Variants in SCAF8 observed in about 807,000 individuals in gnomAD.
The protein encoded by SCAF8 is SR-related CTD associated factor 8.
In SCAF8, 23 loss-of-function variants were observed where a neutral mutation model predicts 140.5. The ratio of observed to expected loss-of-function variants is 0.16; its 90% CI spans 0.12 to 0.23. The LOEUF is 0.23. Ranked by LOEUF, SCAF8 falls within the 10% of genes least tolerant of loss-of-function variation. The pLI is 1.00. For synonymous variants in SCAF8, 575 were observed against 528.9 expected (o/e 1.09, Z -1.20); for missense variants, 1,397 against 1,555.7 (o/e 0.90, Z 1.72).
intron 3 of SCAF8, among the ~76,000 whole-genome samples, chr6:154,780,354 CTTT>C (rs74777379): frequency 7.4e-5 from 10 of 135,450 alleles, no homozygotes; most frequent in African/African-American, 1.6e-4. Context: ...TAGTTCCTTC[CTTT>C]TTTTTTTTTT....
At chr6:154,821,707 C>T (rs770089470) in intron 15 of SCAF8, among the ~76,000 whole-genome samples, 6 of 152,052 alleles carry the variant, frequency 3.9e-5, no homozygotes, top group African/African-American at 9.7e-5. Context: ...ATAAGAAGAC[C>T]ATTATAGCTT....
intron 1 of SCAF8, among the ~76,000 whole-genome samples, chr6:154,759,993 TA>T (rs1282224500): frequency 6.6e-6 from 1 of 152,008 alleles, no homozygotes; most frequent in Non-Finnish European, 1.5e-5. Context: ...ATAAGCACTT[TA>T]AAAAATCAAA....
At chr6:154,827,061 G>T in intron 17 of SCAF8, 111 bp from the exon 18 acceptor site, 1 of 812,320 alleles carries the variant, frequency 1.2e-6, no homozygotes, top group East Asian at 2.9e-5. Context: ...ATAAATATGA[G>T]GTTGTAGTCC....
chr6:154,802,455 C>T (rs963179414), intron 7 of SCAF8, among the ~76,000 whole-genome samples: 1 of 151,962 alleles, frequency 6.6e-6, no homozygotes, highest in African/African-American at 2.4e-5. Flanking sequence ...AACCCCATCT[C>T]TATTAAAAAT....
intron 3 of SCAF8, among the ~76,000 whole-genome samples, chr6:154,784,313 T>C (rs1465284988): frequency 2.0e-5 from 3 of 151,766 alleles, no homozygotes; most frequent in South Asian, 2.1e-4. Flanking sequence ...ACTTTTCATA[T>C]GTATTTTTAT....
chr6:154,776,760 T>C (rs1353123419), intron 2 of SCAF8, among the ~76,000 whole-genome samples: 2 of 152,216 alleles, frequency 1.3e-5, no homozygotes, highest in Admixed American at 6.5e-5. Flanking sequence ...TTGGTGAATA[T>C]GAGTTCATGA....
At chr6:154,826,495 T>C (rs769488897) in intron 17 of SCAF8, among the ~76,000 whole-genome samples, 7 of 152,218 alleles carry the variant, frequency 4.6e-5, no homozygotes, top group African/African-American at 1.4e-4. Context: ...TTTTATAGTT[T>C]AGAATTATTT....
At chr6:154,800,579 A>G (rs1487135317) in intron 6 of SCAF8, among the ~76,000 whole-genome samples, 1 of 151,444 alleles carries the variant, frequency 6.6e-6, no homozygotes, top group Non-Finnish European at 1.5e-5. Flanking sequence ...AGTACTTTAC[A>G]TGGATTAGAG....
At chr6:154,786,350 G>T (rs558793822) in intron 3 of SCAF8, among the ~76,000 whole-genome samples, 1 of 152,320 alleles carries the variant, frequency 6.6e-6, no homozygotes, top group Admixed American at 6.5e-5. Flanking sequence ...TGAAAGGTCT[G>T]CAAAATATCT....
Position 154,733,563 on chromosome 6 carries a change from G to A in SCAF8, c.-338G>A, listed in dbSNP as rs1778317817. 3 of 1,283,514 alleles carry A rather than the reference G, an allele frequency of 2.3e-6. No individual in the cohort carries two copies. Among genetic ancestry groups the A allele is most frequent in the Admixed American group, 4.2e-5 (1 of 23,854 alleles). The allele number at this position is 1,283,514 out of a possible 1,614,324, so 79.5% of individuals were successfully genotyped here. A position where few individuals can be genotyped will look rare whatever the true frequency, so the allele number is the denominator to read the frequency against. ...GGGAGTGGAGAGTGTAGGGGAAGGG[G>A]CTAGAGGGAGGGGGACCGAAACGGA... On this transcript the variant is annotated 5_prime_UTR_variant, in exon 1 of 20. Coordinates refer to ENST00000367178, the MANE Select transcript of SCAF8 (RefSeq NM_014892.5).
chr6:154,738,133 A>T (rs371381512), intron 1 of SCAF8, among the ~76,000 whole-genome samples: 1 of 151,858 alleles, frequency 6.6e-6, no homozygotes, highest in Non-Finnish European at 1.5e-5. Context: ...TATAGAGTGC[A>T]ATTACTGCAC....
intron 4 of SCAF8, among the ~76,000 whole-genome samples, chr6:154,789,939 A>G (rs1470198811): frequency 1.3e-5 from 2 of 152,194 alleles, no homozygotes; most frequent in Non-Finnish European, 2.9e-5. Flanking sequence ...GAAATTTTAT[A>G]CATGCATTTT....
intron 1 of SCAF8, among the ~76,000 whole-genome samples, chr6:154,753,002 T>TTTTTG (rs951800541): frequency 1.3e-5 from 2 of 151,540 alleles, no homozygotes; most frequent in African/African-American, 4.9e-5. Context: ...TACAGTTTTG[T>TTTTTG]TTTTGTTTTG....
chr6:154,744,841 C>T (rs1388545177), intron 1 of SCAF8, among the ~76,000 whole-genome samples: 1 of 152,128 alleles, frequency 6.6e-6, no homozygotes, highest in Non-Finnish European at 1.5e-5. Flanking sequence ...CCTCCTGTAA[C>T]CATGTTTGCT....
At chr6:154,734,567 T>C (rs1778358557) in intron 1 of SCAF8, among the ~76,000 whole-genome samples, 1 of 152,164 alleles carries the variant, frequency 6.6e-6, no homozygotes, top group Non-Finnish European at 1.5e-5. Flanking sequence ...TAAAGACAAA[T>C]GGTAGGGAGA....
At chr6:154,767,075 A>C (rs1776596334) in intron 1 of SCAF8, among the ~76,000 whole-genome samples, 2 of 152,164 alleles carry the variant, frequency 1.3e-5, no homozygotes, top group South Asian at 4.1e-4. Flanking sequence ...AAAGAATTTT[A>C]AAAGGCAGTC....
At chr6:154,791,756 C>T (rs1010813248) in intron 4 of SCAF8, among the ~76,000 whole-genome samples, 5 of 151,942 alleles carry the variant, frequency 3.3e-5, no homozygotes, top group Non-Finnish European at 7.4e-5. Context: ...TGACTGGAAC[C>T]TTACAAAAAA....
At chr6:154,781,212 C>G (rs1308767360) in intron 3 of SCAF8, among the ~76,000 whole-genome samples, 1 of 152,052 alleles carries the variant, frequency 6.6e-6, no homozygotes, top group Non-Finnish European at 1.5e-5. Context: ...AGCAGAGAGC[C>G]ACGTTATGAA....
intron 1 of SCAF8, among the ~76,000 whole-genome samples, chr6:154,734,460 C>T (rs1485818274): frequency 6.6e-6 from 1 of 152,152 alleles, no homozygotes; most frequent in Non-Finnish European, 1.5e-5. Flanking sequence ...AATTTGCCAG[C>T]TAGGGACTTG....
Sources: gnomAD v4.1 joint callset for allele counts (sites outside exome capture counted in the v4.1 genomes callset) on GRCh38, gnomAD v4.1.1 for gene constraint, MANE v1.5 for transcripts, NCBI Gene and HGNC (gene_info 2026-07-23, HGNC 2026-07-21) for gene names.